The following GSTCD variants were observed in gnomAD, a reference collection of about 807,000 sequenced individuals.
GSTCD encodes glutathione S-transferase C-terminal domain-containing protein.
Under a neutral mutation model 68.3 loss-of-function variants are expected in GSTCD, and 44 were observed. The observed-to-expected ratio is 0.64, with a 90% CI of 0.51 to 0.83. The LOEUF is 0.83. Ranked by LOEUF, GSTCD falls within the 40% of genes least tolerant of loss-of-function variation. The probability of loss-of-function intolerance (pLI) is 0.00; values close to 1 mark genes in which losing one functional copy is unlikely to be tolerated. For synonymous variants in GSTCD, 273 were observed against 255.2 expected (o/e 1.07, Z -0.67); for missense variants, 739 against 735.9 (o/e 1.00, Z -0.05).
rs1282997076 is a variant in GSTCD, at chr4:105,757,932, T to C, written c.1240+28433T>C. Among the ~76,000 whole-genome samples, 4 of 152,326 alleles carry C rather than the reference T, an allele frequency of 2.6e-5. No homozygotes were observed. The East Asian group carries it at 7.7e-4, about 29-fold the overall frequency. ...CCAAAATATGTTGTAGCTTTACAAA[T>C]GCTTTTACTAGGCCTTTAGACATGT... On this transcript the variant is annotated intron_variant, in intron 5 of 11. Transcript: ENST00000515279.
chr4:105,743,356 G>A (rs1733699142), intron 5 of GSTCD, among the ~76,000 whole-genome samples: 1 of 152,068 alleles, frequency 6.6e-6, no homozygotes, highest in Non-Finnish European at 1.5e-5. Flanking sequence ...CTCTTCGAAT[G>A]TAGGACTCCT....
intron 5 of GSTCD, among the ~76,000 whole-genome samples, chr4:105,758,847 AT>A (rs1033479809): frequency 6.6e-6 from 1 of 151,974 alleles, no homozygotes; most frequent in African/African-American, 2.4e-5. Context: ...AATTCGTTCA[AT>A]TTTTTATAAG....
intron 5 of GSTCD, among the ~76,000 whole-genome samples, chr4:105,797,046 ATGTGTG>A (rs201988913): frequency 1.8e-4 from 26 of 145,620 alleles, no homozygotes; most frequent in South Asian, 4.5e-4. Context: ...ACAGAGATAC[ATGTGTG>A]TGTGTGTGTG....
chr4:105,840,868 A>C lies in GSTCD; in HGVS notation c.1696-1197A>C, dbSNP rs764457332. Among the ~76,000 whole-genome samples, 140 of 152,300 alleles carry C rather than the reference A, an allele frequency of 9.2e-4. 2 individuals carry two copies. The highest frequency in any genetic ancestry group is 2.2e-4 in the Non-Finnish European group (15 of 68,024). On this transcript the variant is annotated intron_variant, in intron 10 of 11. Coordinates refer to ENST00000515279, the MANE Select transcript of GSTCD (RefSeq NM_001370181.1). ...ACTTCCTGCAGCCTTTTGGAGTGAG[A>C]GAAAGAAATCAAGCTTCTTTCCTCT...
At chr4:105,799,814 CAAA>C (rs5860815) in intron 5 of GSTCD, among the ~76,000 whole-genome samples, 7 of 116,470 alleles carry the variant, frequency 6.0e-5, no homozygotes, top group Admixed American at 1.8e-4. Flanking sequence ...CACAGCGTTG[CAAA>C]AAAAAAAAAA....
intron 3 of GSTCD, among the ~76,000 whole-genome samples, chr4:105,725,700 T>A (rs1733007363): frequency 6.6e-6 from 1 of 152,144 alleles, no homozygotes; most frequent in African/African-American, 2.4e-5. Context: ...TTGCTCCAAT[T>A]TTTATGCTAT....
At chr4:105,779,925 T>C (rs1004711213) in intron 5 of GSTCD, among the ~76,000 whole-genome samples, 4 of 152,206 alleles carry the variant, frequency 2.6e-5, no homozygotes, top group East Asian at 1.9e-4. Context: ...CTCTTTTATA[T>C]AGAAAGATAT....
chr4:105,736,305 T>C (rs1308674168), intron 5 of GSTCD, among the ~76,000 whole-genome samples: 2 of 152,154 alleles, frequency 1.3e-5, no homozygotes, highest in Non-Finnish European at 2.9e-5. Flanking sequence ...TCATTTGGGG[T>C]TACCTCAATC....
At chr4:105,730,391 G>T (rs912137003) in intron 5 of GSTCD, among the ~76,000 whole-genome samples, 2 of 152,030 alleles carry the variant, frequency 1.3e-5, no homozygotes, top group African/African-American at 2.4e-5. Flanking sequence ...TCTCCACATT[G>T]TATCCAGCAC....
rs922173468 is a variant in GSTCD at position 105,735,993 on chromosome 4, C to T, written c.1240+6494C>T. On this transcript the variant is annotated intron_variant, in intron 5 of 11. Transcript: ENST00000515279. ...TGCCCAATTTATAATCCATTTTCTC[C>T]GATTGTTTAAAATGTTGTTTGAGAA... is the stretch of plus-strand genomic sequence containing the variant. Among the ~76,000 whole-genome samples the T allele has an allele frequency of 7.2e-5, 11 of 152,056 alleles. No individual in the cohort carries two copies. The South Asian group carries it at 1.0e-3, about 14-fold the overall frequency.
intron 5 of GSTCD, among the ~76,000 whole-genome samples, chr4:105,819,607 T>C (rs1319995593): frequency 6.6e-6 from 1 of 151,808 alleles, no homozygotes; most frequent in Non-Finnish European, 1.5e-5. Flanking sequence ...CTATAAAGCA[T>C]GATAAATGAC....
intron 5 of GSTCD, among the ~76,000 whole-genome samples, chr4:105,776,556 GCA>G (rs1285162900): frequency 1.3e-5 from 2 of 152,162 alleles, no homozygotes; most frequent in Non-Finnish European, 2.9e-5. Context: ...TTTCCTCACG[GCA>G]CAGTTCCTCA....
At chr4:105,780,664 G>A (rs1054712837) in intron 5 of GSTCD, among the ~76,000 whole-genome samples, 2 of 152,148 alleles carry the variant, frequency 1.3e-5, no homozygotes, top group Non-Finnish European at 2.9e-5. Context: ...GTTTGTTAGT[G>A]ATTCCCACAT....
At chr4:105,828,355 G>C (rs1237129014) in intron 8 of GSTCD, among the ~76,000 whole-genome samples, 1 of 152,126 alleles carries the variant, frequency 6.6e-6, no homozygotes, top group African/African-American at 2.4e-5. Context: ...CTGTAATTCA[G>C]TAACATTTTT....
chr4:105,831,885 G>A lies in GSTCD; in HGVS notation c.1531-2576G>A, dbSNP rs547319621. On this transcript the variant is annotated intron_variant, in intron 8 of 11. Transcript: ENST00000515279. ...CTGGAGGCAGAGGTTGCAGGGAGTC[G>A]AGATCACACCGTTGCACTCCACCCT... 3.3e-5 allele frequency among the ~76,000 whole-genome samples: 5 copies of A among 152,120 alleles called. No homozygotes were observed. In the South Asian group the frequency reaches 1.0e-3, roughly 32 times the overall value.
At chr4:105,831,402 ACT>A (rs992855988) in intron 8 of GSTCD, among the ~76,000 whole-genome samples, 2 of 152,092 alleles carry the variant, frequency 1.3e-5, no homozygotes, top group African/African-American at 4.8e-5. Context: ...CCAGTCAGTG[ACT>A]CTCTGTTTAC....
At position 105,741,891 on chromosome 4, in the gene GSTCD, GT is replaced by G. The variant is rs542627930; in HGVS notation, c.1240+12396del. On this transcript the variant is annotated intron_variant, in intron 5 of 11. Coordinates refer to ENST00000515279, the MANE Select transcript of GSTCD (RefSeq NM_001370181.1). ...AGAATTGTGGCATTTTAAGTTTGTT[GT>G]TTTCAGTTCTGGTAATTTCAAACAT... is the stretch of plus-strand genomic sequence containing the variant. 2.7e-3 allele frequency among the ~76,000 whole-genome samples: 406 copies of G among 152,236 alleles called. 1 individual carries two copies. Among genetic ancestry groups the G allele is most frequent in the Non-Finnish European group, 4.4e-3 (301 of 67,992 alleles).
intron 7 of GSTCD, chr4:105,823,713 C>T (rs918622294): frequency 6.5e-6 from 1 of 154,984 alleles, no homozygotes; most frequent in African/African-American, 2.4e-5. Flanking sequence ...AACCCAAAAC[C>T]TACCATACTG....
At chr4:105,755,076 A>C (rs1370770734) in intron 5 of GSTCD, among the ~76,000 whole-genome samples, 1 of 143,096 alleles carries the variant, frequency 7.0e-6, no homozygotes, top group Non-Finnish European at 1.5e-5. Flanking sequence ...AAAAAAAAAA[A>C]AAAAAAAAAA....
Sources: allele counts gnomAD v4.1 joint callset (sites outside exome capture counted in the v4.1 genomes callset), GRCh38; gene constraint gnomAD v4.1.1; transcripts MANE v1.5; gene names NCBI Gene and HGNC (gene_info 2026-07-23, HGNC 2026-07-21).